ABITRAM: variants seen among roughly 807,000 people sequenced by gnomAD.
ABITRAM encodes actin binding transcription modulator.
ABITRAM carries 19 observed loss-of-function variants against 22.9 expected under a neutral mutation model. That is an observed-to-expected ratio of 0.83 (90% CI 0.58 to 1.22). The LOEUF (loss-of-function observed/expected upper bound fraction) is 1.22, where lower values mean the gene tolerates loss of function less well. ABITRAM is among the 50% of genes most tolerant of loss of function. The probability of loss-of-function intolerance (pLI) is 0.00; values close to 1 mark genes in which losing one functional copy is unlikely to be tolerated. For synonymous variants in ABITRAM, 70 were observed against 73.9 expected (o/e 0.95, Z 0.27); for missense variants, 215 against 220.2 (o/e 0.98, Z 0.15).
downstream of ABITRAM, chr9:108,943,587 G>T (rs887484242): frequency 3.2e-5 from 24 of 744,096 alleles, no homozygotes; most frequent in African/African-American, 3.0e-4. Flanking sequence ...TGTAGACAAG[G>T]CATGAAAAAA....
At chr9:108,943,979 G>T, downstream of ABITRAM, 2 of 1,613,712 alleles carry the variant, frequency 1.2e-6, no homozygotes, top group South Asian at 2.2e-5. Context: ...GAAAAAGCTT[G>T]AACACTGGAA....
chr9:108,945,263 C>G (rs890348404), downstream of ABITRAM, among the ~76,000 whole-genome samples: 1 of 152,148 alleles, frequency 6.6e-6, no homozygotes, highest in Non-Finnish European at 1.5e-5. Flanking sequence ...TTAAATAAAA[C>G]AGTGTAGTAT....
downstream of ABITRAM, chr9:108,942,809 A>T (rs1489847205): frequency 6.2e-7 from 1 of 1,613,656 alleles, no homozygotes; most frequent in African/African-American, 1.3e-5. Context: ...TGTAACTGAG[A>T]CCCATCCGTT....
rs559849778 is a variant in ABITRAM, at chr9:108,940,657, C to T, written c.*971C>T. 3.3e-5 allele frequency: 5 copies of T among 152,212 alleles called. No individual in the cohort carries two copies. The highest frequency in any genetic ancestry group is 1.9e-4 in the East Asian group (1 of 5,180). The allele number at this position is 152,212 out of a possible 1,614,324, so 9.4% of individuals were successfully genotyped here. On this transcript the variant is annotated 3_prime_UTR_variant, in exon 6 of 6. Transcript: ENST00000322940. ...TCCTAGGAAATGTGTTATAATGCAG[C>T]GGGAAGCTAATTCTTGAAATATGCA... is the stretch of plus-strand genomic sequence containing the variant.
Position 108,950,534 on chromosome 9 carries a change from G to A in ABITRAM, c.289G>A (p.Asp97Asn), listed in dbSNP as rs1489831760. The change falls in exon 4 of 4, where the codon GAC (aspartate) becomes AAC (asparagine). Residue 97 changes from aspartate to asparagine, a missense_variant. Asp to Asn is a conservative substitution (Grantham distance 23, BLOSUM62 1). Transcript: ENST00000374624. ...AATTATCTATCTAGAAAAGGTAGAA[G>A]ACGTCATCAAGAGGAAAATGATGCC... 11 of 1,550,368 alleles carry A rather than the reference G, an allele frequency of 7.1e-6. No individual in the cohort carries two copies. The South Asian group carries it at 1.3e-4, about 18-fold the overall frequency.
chr9:108,935,292 C>T (rs930393998), intron 1 of ABITRAM, among the ~76,000 whole-genome samples: 24 of 152,084 alleles, frequency 1.6e-4, no homozygotes, highest in African/African-American at 4.3e-4. Flanking sequence ...CAGGACAGTC[C>T]TGGAAACCAC....
chr9:108,936,474 C>T lies in ABITRAM; in HGVS notation c.261+37C>T, dbSNP rs374811797. On this transcript the variant is annotated intron_variant, in intron 3 of 5. Transcript: ENST00000322940. ...TAATTCTGTGATTATCTACTTACAT[C>T]CTCTATATTCATGGTAATGACAGAT... is the stretch of plus-strand genomic sequence containing the variant. The T allele has an allele frequency of 3.1e-6, 5 of 1,599,388 alleles. No individual in the cohort carries two copies. The African/African-American group carries it at 6.7e-5, about 21-fold the overall frequency.
chr9:108,948,563 C>T (rs982397538), intron 3 of ABITRAM, among the ~76,000 whole-genome samples: 2 of 151,872 alleles, frequency 1.3e-5, no homozygotes, highest in Admixed American at 1.3e-4. Flanking sequence ...ATGTCTTGAC[C>T]GAAAGCCTTT....
At chr9:108,946,347 T>A (rs1000154177) in intron 3 of ABITRAM, among the ~76,000 whole-genome samples, 6 of 151,696 alleles carry the variant, frequency 4.0e-5, no homozygotes, top group African/African-American at 1.5e-4. Context: ...GACATCATAT[T>A]TTACCCCTTT....
In ABITRAM at chr9:108,940,896, G is replaced by A. The variant is rs1320518580; in HGVS notation, c.*1210G>A. ...TATAAAACGTGTTATTTTTCTGTAA[G>A]GGCTATAACATACATGTCAATATCA... On this transcript the variant is annotated 3_prime_UTR_variant, in exon 6 of 6. Transcript: ENST00000322940. The A allele has an allele frequency of 6.6e-6, 1 of 151,994 alleles. No individual in the cohort carries two copies. Among genetic ancestry groups the A allele is most frequent in the African/African-American group, 2.4e-5 (1 of 41,380 alleles). The allele number at this position is 151,994 out of a possible 1,614,324, so 9.4% of individuals were successfully genotyped here. A position where few individuals can be genotyped will look rare whatever the true frequency, so the allele number is the denominator to read the frequency against.
intron 3 of ABITRAM, among the ~76,000 whole-genome samples, chr9:108,937,995 T>G (rs1415125484): frequency 9.8e-6 from 1 of 101,776 alleles, no homozygotes; most frequent in Non-Finnish European, 1.8e-5. Flanking sequence ...AGACCCTGTC[T>G]CAAAAAAAAA....
chr9:108,936,377 C>G lies in ABITRAM; in HGVS notation c.201C>G (p.Ser67=), dbSNP rs2132064847. The stretch of plus-strand genomic sequence containing the variant: ...GTGGAAAAACAATTAAAAGCATTTC[C>G]TATCAGATCAGTACCAACTGTAGCA... ...LQSGKTIKSI[S]YQISTNCSRL... The change falls in exon 3 of 6, where the codon TCC becomes TCG. Residue 67 remains serine, a synonymous_variant. Transcript: ENST00000322940. The G allele has an allele frequency of 6.2e-7, 1 of 1,614,024 alleles. No homozygotes were observed. The highest frequency in any genetic ancestry group is 2.2e-5 in the East Asian group (1 of 44,854).
At chr9:108,935,362 C>A (rs1830165576) in intron 1 of ABITRAM, among the ~76,000 whole-genome samples, 1 of 152,152 alleles carries the variant, frequency 6.6e-6, no homozygotes, top group Non-Finnish European at 1.5e-5. Flanking sequence ...AGCAAAAATA[C>A]TACGTGTACT....
chr9:108,941,827 GA>G (rs1490553008), downstream of ABITRAM, among the ~76,000 whole-genome samples: 1 of 152,150 alleles, frequency 6.6e-6, no homozygotes, highest in Non-Finnish European at 1.5e-5. Context: ...ATTATAAGGA[GA>G]AAACCTATAA....
chr9:108,948,206 C>G (rs1830461130), intron 3 of ABITRAM: 1 of 1,611,808 alleles, frequency 6.2e-7, no homozygotes, highest in East Asian at 2.2e-5. Context: ...TGAATTAAAT[C>G]CTGGGAAGTT....
Position 108,939,609 on chromosome 9 carries a change from A to G in ABITRAM, c.469A>G (p.Thr157Ala), listed in dbSNP as rs769786286. The change falls in exon 6 of 6, where the codon ACA (threonine) becomes GCA (alanine). Residue 157 changes from threonine to alanine, a missense_variant. By Grantham distance (58) the Thr-to-Ala change is moderately conservative. Coordinates refer to ENST00000322940, the MANE Select transcript of ABITRAM (RefSeq NM_017832.4). Reference protein sequence around the residue: ...LPKFEESKSITEGLLTQKQYE... With the variant: ...LPKFEESKSIAEGLLTQKQYE... The stretch of plus-strand genomic sequence containing the variant: ...CAAATTTGAAGAAAGTAAAAGCATA[A>G]CAGAAGGGTTACTGACACAAAAACA... 138 of 1,614,182 alleles carry G rather than the reference A, an allele frequency of 8.5e-5. No individual in the cohort carries two copies. In the East Asian group the frequency reaches 1.7e-3, roughly 20 times the overall value.
chr9:108,935,724 T>G (rs1204919968), intron 2 of ABITRAM, 35 bp downstream of exon 2: 3 of 1,538,874 alleles, frequency 1.9e-6, no homozygotes, highest in Non-Finnish European at 2.7e-6. Flanking sequence ...TATCAAAAAT[T>G]TTTTTTTCCT....
chr9:108,941,001 C>CTGT (rs1242576901), downstream of ABITRAM: 2 of 152,088 alleles, frequency 1.3e-5, no homozygotes, highest in African/African-American at 4.8e-5. Context: ...TCCTCTTATG[C>CTGT]TGTTGAAGTC....
downstream of ABITRAM, among the ~76,000 whole-genome samples, chr9:108,944,716 C>T (rs541978939): frequency 3.0e-4 from 45 of 151,982 alleles, no homozygotes; most frequent in Non-Finnish European, 5.0e-4. Flanking sequence ...TTTTAGGTGG[C>T]GTCAGTAATA....
Sources: gnomAD v4.1 joint callset for allele counts (sites outside exome capture counted in the v4.1 genomes callset) on GRCh38, gnomAD v4.1.1 for gene constraint, MANE v1.5 for transcripts, NCBI Gene and HGNC (gene_info 2026-07-23, HGNC 2026-07-21) for gene names.